The following SPARCL1 variants were observed in gnomAD, a reference collection of about 807,000 sequenced individuals.
The protein encoded by SPARCL1 is SPARC-like protein 1.
SPARCL1 carries 52 observed loss-of-function variants against 67.1 expected under a neutral mutation model. The observed-to-expected ratio is 0.78, with a 90% CI of 0.62 to 0.98. The LOEUF is 0.98. SPARCL1 is among the 50% of genes least tolerant of loss of function. The pLI, the probability that SPARCL1 is intolerant of heterozygous loss-of-function variation, is 0.00. For missense variants in SPARCL1, 717 were observed against 782.4 expected (o/e 0.92, Z 1.00); for synonymous variants, 226 against 267.8 (o/e 0.84, Z 1.52).
intron 10 of SPARCL1, among the ~76,000 whole-genome samples, chr4:87,477,600 T>G (rs1249707202): frequency 1.3e-5 from 2 of 152,046 alleles, no homozygotes; most frequent in African/African-American, 4.8e-5. Context: ...CCAGATACCA[T>G]GCTGTGGGCA....
At chr4:87,505,649 G>A (rs922487091) in intron 1 of SPARCL1, among the ~76,000 whole-genome samples, 7 of 151,844 alleles carry the variant, frequency 4.6e-5, no homozygotes, top group Non-Finnish European at 8.8e-5. Context: ...CCAGTTCCTG[G>A]GCTCAGGTGA....
intron 1 of SPARCL1, among the ~76,000 whole-genome samples, chr4:87,513,890 A>C (rs1348227353): frequency 6.6e-6 from 1 of 152,166 alleles, no homozygotes. Flanking sequence ...ATACCGAGGA[A>C]ATAGGAATAT....
chr4:87,501,071 A>T (rs1272265332), intron 1 of SPARCL1, among the ~76,000 whole-genome samples: 1 of 152,194 alleles, frequency 6.6e-6, no homozygotes, highest in Non-Finnish European at 1.5e-5. Context: ...TTCCAACAAA[A>T]TTTAAAATTT....
intron 1 of SPARCL1, among the ~76,000 whole-genome samples, chr4:87,513,884 C>T (rs73840204): frequency 0.014 from 2,190 of 152,222 alleles, 47 homozygotes; most frequent in African/African-American, 0.049. Context: ...TAAACCATAC[C>T]GAGGAAATAG....
intron 1 of SPARCL1, among the ~76,000 whole-genome samples, chr4:87,508,181 C>T (rs936550095): frequency 2.6e-5 from 4 of 151,812 alleles, no homozygotes; most frequent in African/African-American, 7.3e-5. Context: ...TGGGGAAACC[C>T]GGTAAGGCCC....
chr4:87,501,586 G>A (rs997091809), intron 1 of SPARCL1, among the ~76,000 whole-genome samples: 2 of 151,888 alleles, frequency 1.3e-5, no homozygotes, highest in South Asian at 4.2e-4. Context: ...ACTCTGATGT[G>A]AGTTTTTCCC....
chr4:87,496,704 G>A (rs1438696097), intron 2 of SPARCL1, among the ~76,000 whole-genome samples: 1 of 152,102 alleles, frequency 6.6e-6, no homozygotes, highest in Non-Finnish European at 1.5e-5. Flanking sequence ...AGTATCTGAG[G>A]CAGATATTCA....
At chr4:87,480,275 A>T in intron 9 of SPARCL1, 97 bp downstream of exon 9, 1 of 1,108,678 alleles carries the variant, frequency 9.0e-7, no homozygotes, top group Non-Finnish European at 1.2e-6. Flanking sequence ...TGGAACTGGG[A>T]AATGTCCTAA....
intron 1 of SPARCL1, among the ~76,000 whole-genome samples, chr4:87,508,314 A>G (rs62315961): frequency 0.44 from 65,784 of 149,990 alleles, 14,919 homozygotes; most frequent in East Asian, 0.75. Context: ...TCCCACCTCA[A>G]CCTCCCAAGT....
chr4:87,523,151 C>T (rs1431988811), intron 1 of SPARCL1, among the ~76,000 whole-genome samples: 2 of 151,958 alleles, frequency 1.3e-5, no homozygotes, highest in Admixed American at 6.6e-5. Context: ...ATCCTAGCCA[C>T]TCAGGAGGCT....
chr4:87,487,971 G>C (rs1350469557), intron 7 of SPARCL1, among the ~76,000 whole-genome samples: 1 of 152,114 alleles, frequency 6.6e-6, no homozygotes, highest in Non-Finnish European at 1.5e-5. Flanking sequence ...TCTCTAAACT[G>C]GTTATTCTGG....
chr4:87,507,640 A>G (rs1485827216), intron 1 of SPARCL1, among the ~76,000 whole-genome samples: 1 of 152,232 alleles, frequency 6.6e-6, no homozygotes, highest in African/African-American at 2.4e-5. Flanking sequence ...TGTCATCAAC[A>G]TGCAAGCAAT....
intron 1 of SPARCL1, among the ~76,000 whole-genome samples, chr4:87,513,662 T>A (rs548836540): frequency 6.6e-6 from 1 of 152,240 alleles, no homozygotes; most frequent in South Asian, 2.1e-4. Flanking sequence ...CATTTATATC[T>A]TGTATTAACT....
chr4:87,510,705 A>G (rs550087098), intron 1 of SPARCL1, among the ~76,000 whole-genome samples: 1 of 152,164 alleles, frequency 6.6e-6, no homozygotes, highest in Non-Finnish European at 1.5e-5. Flanking sequence ...CCTCTTGGGC[A>G]CTGGACAAGA....
At chr4:87,484,660 T>C (rs188692737) in intron 7 of SPARCL1, among the ~76,000 whole-genome samples, 1 of 152,282 alleles carries the variant, frequency 6.6e-6, no homozygotes, top group Non-Finnish European at 1.5e-5. Flanking sequence ...AATCTATAAA[T>C]TACTTTGGGC....
intron 7 of SPARCL1, among the ~76,000 whole-genome samples, chr4:87,489,703 A>G (rs1724232144): frequency 6.6e-6 from 1 of 152,190 alleles, no homozygotes; most frequent in Non-Finnish European, 1.5e-5. Flanking sequence ...AGCAAGATAT[A>G]TGGTCATACC....
chr4:87,514,754 C>A (rs539338141), intron 1 of SPARCL1, among the ~76,000 whole-genome samples: 108 of 152,224 alleles, frequency 7.1e-4, no homozygotes, highest in Non-Finnish European at 6.9e-4. Context: ...ATTTTAAGAA[C>A]TGAGCAAATG....
At position 87,491,673 on chromosome 4, in the gene SPARCL1, G is replaced by A. The variant is rs760611407; in HGVS notation, c.1236C>T (p.Asn412=). Residue 412 remains asparagine, a synonymous_variant, in exon 5 of 11, where the codon AAC becomes AAT. Coordinates refer to ENST00000282470, the MANE Select transcript of SPARCL1 (RefSeq NM_004684.6). Reference sequence around the variant, plus strand: ...TTGACGTTTCCTCCTCATTTGATGAGTTCTCTGCTTTCTTGGCCTTTAGAA... The same window carrying A: ...TTGACGTTTCCTCCTCATTTGATGAATTCTCTGCTTTCTTGGCCTTTAGAA... ...GEHQEAKKAE[N]SSNEEETSSE... 7.4e-6 allele frequency: 12 copies of A among 1,613,358 alleles called. No individual in the cohort carries two copies. Among genetic ancestry groups the A allele is most frequent in the Middle Eastern group, 1.6e-4 (1 of 6,082 alleles).
Position 87,499,554 on chromosome 4 carries a change from G to GA in SPARCL1, c.20dup (p.Leu8ProfsTer19). 1 of 1,590,502 alleles carries GA rather than the reference G, an allele frequency of 6.3e-7. No individual in the cohort carries two copies. The highest frequency in any genetic ancestry group is 2.3e-5 in the East Asian group (1 of 44,398). ...CAGCTGCAGTTCCCAAGAGACATAG[G>GA]AAAAAAAGCCCAGTCTTCATGCTTT... On this transcript the variant is annotated frameshift_variant, in exon 2 of 11. Coordinates refer to ENST00000282470, the MANE Select transcript of SPARCL1 (RefSeq NM_004684.6). LOFTEE classifies it high-confidence loss of function.
Sources: gnomAD v4.1 joint callset for allele counts (sites outside exome capture counted in the v4.1 genomes callset) on GRCh38, gnomAD v4.1.1 for gene constraint, MANE v1.5 for transcripts, NCBI Gene and HGNC (gene_info 2026-07-23, HGNC 2026-07-21) for gene names.